ZNF721: variants seen among roughly 807,000 people sequenced by gnomAD.
The protein encoded by ZNF721 is zinc finger protein 721.
A neutral mutation model predicts 2.4 loss-of-function variants in ZNF721; 2 were observed. The ratio of observed to expected loss-of-function variants is 0.82; its 90% CI spans 0.34 to 2.58. ZNF721 has a LOEUF of 2.58. Ranked by LOEUF, ZNF721 falls within the 30% of genes most tolerant of loss-of-function variation. ZNF721 has a pLI of 0.11. For missense variants in ZNF721, 1,187 were observed against 1,085.5 expected (o/e 1.09, Z -1.31); for synonymous variants, 398 against 381.8 (o/e 1.04, Z -0.50).
chr4:496,989 G>A (rs1553872310), intron 1 of ZNF721, among the ~76,000 whole-genome samples: 1 of 152,024 alleles, frequency 6.6e-6, no homozygotes, highest in African/African-American at 2.4e-5. Context: ...TGGGATTACA[G>A]GCGTGAGCCA....
chr4:496,154 G>C (rs1376039508), intron 1 of ZNF721, among the ~76,000 whole-genome samples: 4 of 111,678 alleles, frequency 3.6e-5, no homozygotes, highest in Middle Eastern at 8.5e-3. Flanking sequence ...TTTTGTGTGT[G>C]GGGGGTAGAC....
In ZNF721 at chr4:443,230, T is replaced by A. The variant is rs372869698; in HGVS notation, c.1237A>T (p.Arg413Ter). ...TCTTCACATGTGTAGGGTTTCTCTC[T>A]GGTGTGAATTCTCTTATGTGCAGTA... ...NLTAHKRIHT[R>*]EKPYTCEDRG... Residue 413 changes from arginine to a stop codon, truncating the protein, a stop_gained, in exon 3 of 3, where the codon AGA becomes TGA. Coordinates refer to ENST00000511833, the MANE Select transcript of ZNF721 (RefSeq NM_133474.4). LOFTEE classifies it low-confidence loss of function (END_TRUNC). 5 of 1,611,970 alleles carry A rather than the reference T, an allele frequency of 3.1e-6. No homozygotes were observed. In the African/African-American group the frequency reaches 6.7e-5, roughly 22 times the overall value.
chr4:472,033 CAATT>C (rs782083330), intron 2 of ZNF721, among the ~76,000 whole-genome samples: 3 of 152,118 alleles, frequency 2.0e-5, no homozygotes, highest in Non-Finnish European at 4.4e-5. Context: ...TCGTTTGTAT[CAATT>C]AAACTTTGCT....
At chr4:487,210 A>C (rs1715918323) in intron 1 of ZNF721, among the ~76,000 whole-genome samples, 1 of 152,158 alleles carries the variant, frequency 6.6e-6, no homozygotes, top group Non-Finnish European at 1.5e-5. Flanking sequence ...CTGTTTCCCA[A>C]ACTTGAATCT....
chr4:499,122 C>G lies in ZNF721; in HGVS notation c.-160G>C. 1 of 576,170 alleles carries G rather than the reference C, an allele frequency of 1.7e-6. No homozygotes were observed. The highest frequency in any genetic ancestry group is 3.0e-6 in the Non-Finnish European group (1 of 335,464). The allele number at this position is 576,170 out of a possible 1,614,324, so 35.7% of individuals were successfully genotyped here. ...GGCCCCACGGAGCCGGGAACACCGC[C>G]CGCTGTTCGTATGTCCGAGGTGACG... On this transcript the variant is annotated 5_prime_UTR_variant, in exon 1 of 3. Coordinates refer to ENST00000511833, the MANE Select transcript of ZNF721 (RefSeq NM_133474.4).
intron 1 of ZNF721, among the ~76,000 whole-genome samples, chr4:486,837 C>G (rs1283999768): frequency 2.0e-5 from 3 of 152,138 alleles, no homozygotes; most frequent in African/African-American, 7.2e-5. Flanking sequence ...TCGCTTTTCC[C>G]AAGAGACTTC....
intron 1 of ZNF721, among the ~76,000 whole-genome samples, chr4:475,194 A>C (rs1553868444): frequency 6.6e-6 from 1 of 152,152 alleles, no homozygotes; most frequent in Non-Finnish European, 1.5e-5. Context: ...CTCAAAAAAA[A>C]AAAGCTAGCT....
At chr4:498,215 G>GAAAAAAAAAAA (rs797042296) in intron 1 of ZNF721, among the ~76,000 whole-genome samples, 940 of 82,752 alleles carry the variant, frequency 0.011, no homozygotes, top group Middle Eastern at 0.022. Context: ...AAAAGAAAAA[G>GAAAAAAAAAAA]AAAAAAAAAA....
At chr4:473,499 T>C (rs1715528382) in intron 1 of ZNF721, among the ~76,000 whole-genome samples, 1 of 152,078 alleles carries the variant, frequency 6.6e-6, no homozygotes, top group Admixed American at 6.5e-5. Context: ...TTCGCTTCAC[T>C]TCCTCACACA....
At chr4:471,924 C>T (rs1553867730) in intron 2 of ZNF721, among the ~76,000 whole-genome samples, 1 of 152,126 alleles carries the variant, frequency 6.6e-6, no homozygotes, top group African/African-American at 2.4e-5. Context: ...CCATGTCACA[C>T]AAACACAGAT....
At chr4:463,144 C>T (rs1715122462) in intron 2 of ZNF721, among the ~76,000 whole-genome samples, 1 of 152,188 alleles carries the variant, frequency 6.6e-6, no homozygotes, top group Non-Finnish European at 1.5e-5. Flanking sequence ...GGCCAACAAA[C>T]ATATGAGAAA....
intron 2 of ZNF721, among the ~76,000 whole-genome samples, chr4:457,265 CT>C: frequency 6.6e-6 from 1 of 152,250 alleles, no homozygotes; most frequent in Non-Finnish European, 1.5e-5. Flanking sequence ...AGGAGGTTCT[CT>C]ACCCACAACT....
chr4:474,224 T>C (rs1173552664), intron 1 of ZNF721: 1 of 386,022 alleles, frequency 2.6e-6, no homozygotes, highest in Non-Finnish European at 5.0e-6. Context: ...AGTCAAGCGC[T>C]CTGATTGGAT....
chr4:493,684 CAA>C lies in ZNF721; in HGVS notation c.-94+5370_-94+5371del, dbSNP rs34692559. Among the ~76,000 whole-genome samples the C allele has an allele frequency of 9.3e-3, 1,139 of 123,128 alleles. 4 individuals carry two copies. Among genetic ancestry groups the C allele is most frequent in the Non-Finnish European group, 0.013 (751 of 57,044 alleles). 80.8% of individuals were successfully genotyped at this position (123,128 alleles called of 152,430 possible). Reference sequence around the variant, plus strand: ...ACAGAGGAAGATTCCATCCCCCCCGCAAAAAAAAAAAAAAAAAGGTTATGGTA... The same window carrying C: ...ACAGAGGAAGATTCCATCCCCCCCGCAAAAAAAAAAAAAAAGGTTATGGTA... On this transcript the variant is annotated intron_variant, in intron 1 of 2. Coordinates refer to ENST00000511833, the MANE Select transcript of ZNF721 (RefSeq NM_133474.4).
rs557997243 is a variant in ZNF721 at position 442,876 on chromosome 4, A to G, written c.1591T>C (p.Cys531Arg). 2 of 1,614,018 alleles carry G rather than the reference A, an allele frequency of 1.2e-6. No homozygotes were observed. The highest frequency in any genetic ancestry group is 2.2e-5 in the South Asian group (2 of 91,070). Residue 531 changes from cysteine (C) to arginine (R), a missense_variant, in exon 3 of 3, where the codon TGT becomes CGT. Cys to Arg is a radical substitution (Grantham distance 180). Coordinates refer to ENST00000511833, the MANE Select transcript of ZNF721 (RefSeq NM_133474.4). The stretch of plus-strand genomic sequence containing the variant: ...CTAAAGGCTTTGCCACATACTTCAC[A>G]TGTGTAGGGTTTCTCTCCAGTATGA... ...RIHTGEKPYTCEVCGKAFRQS... is the reference protein window; with the variant it reads ...RIHTGEKPYTREVCGKAFRQS...
intron 1 of ZNF721, among the ~76,000 whole-genome samples, chr4:488,600 G>A (rs1396592752): frequency 6.6e-6 from 1 of 152,112 alleles, no homozygotes; most frequent in Non-Finnish European, 1.5e-5. Flanking sequence ...GGGAGGCCGA[G>A]GCAGGCGGAT....
chr4:466,046 G>A (rs543438900), intron 2 of ZNF721, among the ~76,000 whole-genome samples: 1 of 150,034 alleles, frequency 6.7e-6, no homozygotes, highest in South Asian at 2.1e-4. Flanking sequence ...GCTCAGGCTG[G>A]AATGCAGTGG....
At chr4:467,216 C>CA (rs782621988) in intron 2 of ZNF721, among the ~76,000 whole-genome samples, 25 of 105,150 alleles carry the variant, frequency 2.4e-4, no homozygotes, top group Admixed American at 6.0e-4. Context: ...GACTCCATCT[C>CA]AAAAAAAAAA....
intron 2 of ZNF721, among the ~76,000 whole-genome samples, chr4:452,060 G>A (rs1553864917): frequency 1.3e-5 from 2 of 152,226 alleles, no homozygotes; most frequent in African/African-American, 4.8e-5. Flanking sequence ...GGGACTGGTT[G>A]CTACACGAGA....
Sources: allele counts gnomAD v4.1 joint callset (sites outside exome capture counted in the v4.1 genomes callset), GRCh38; gene constraint gnomAD v4.1.1; transcripts MANE v1.5; gene names NCBI Gene and HGNC (gene_info 2026-07-23, HGNC 2026-07-21).